IGF1R: variants seen among roughly 807,000 people sequenced by gnomAD.
IGF1R encodes the protein insulin like growth factor 1 receptor, also known as insulin-like growth factor 1 receptor.
In IGF1R, 44 loss-of-function variants were observed where a neutral mutation model predicts 144.6. The ratio of observed to expected loss-of-function variants is 0.30; its 90% CI spans 0.24 to 0.39. The LOEUF (loss-of-function observed/expected upper bound fraction) is 0.39, where lower values mean the gene tolerates loss of function less well. Ranked by LOEUF, IGF1R falls within the 10% of genes least tolerant of loss-of-function variation. IGF1R has a pLI of 1.00. For missense variants in IGF1R, 1,355 were observed against 1,833.7 expected (o/e 0.74, Z 4.77); for synonymous variants, 795 against 722.8 (o/e 1.10, Z -1.60).
At position 98,791,785 on chromosome 15, in the gene IGF1R, A is replaced by T. The variant is rs74034206; in HGVS notation, c.640+83678A>T. 7.5e-3 allele frequency among the ~76,000 whole-genome samples: 1,139 copies of T among 152,360 alleles called. 8 individuals are homozygous for T. Among genetic ancestry groups the T allele is most frequent in the African/African-American group, 0.026 (1,079 of 41,588 alleles). The stretch of plus-strand genomic sequence containing the variant: ...AATGCATAATCATTCTTTGTGTTGC[A>T]TGGCAATTCTGTACAAATGGAAGGT... On this transcript the variant is annotated intron_variant, in intron 2 of 20. Coordinates refer to ENST00000650285, the MANE Select transcript of IGF1R (RefSeq NM_000875.5).
At chr15:98,864,241 C>A (rs2012310305) in intron 2 of IGF1R, among the ~76,000 whole-genome samples, 1 of 152,178 alleles carries the variant, frequency 6.6e-6, no homozygotes, top group South Asian at 2.1e-4. Flanking sequence ...GACAACAGAG[C>A]AAGACACTGT....
intron 2 of IGF1R, among the ~76,000 whole-genome samples, chr15:98,731,327 C>G (rs1396327664): frequency 6.6e-6 from 1 of 152,192 alleles, no homozygotes; most frequent in Non-Finnish European, 1.5e-5. Context: ...GGGCTCACTG[C>G]TTGGCTGCAT....
chr15:98,956,931 G>GGCA (rs2017012156), intron 20 of IGF1R, 130 bp from the exon 21 acceptor site: 1 of 1,019,416 alleles, frequency 9.8e-7, no homozygotes, highest in African/African-American at 1.6e-5. Flanking sequence ...GATGGAGAGG[G>GGCA]GCAGCAGGGC....
intron 1 of IGF1R, among the ~76,000 whole-genome samples, chr15:98,677,724 T>C (rs2053084165): frequency 6.6e-6 from 1 of 152,180 alleles, no homozygotes; most frequent in Admixed American, 6.5e-5. Context: ...TGAGAAGGAA[T>C]GAAGACAAAA....
intron 7 of IGF1R, 144 bp downstream of exon 7, chr15:98,911,585 T>C (rs1177657502): frequency 1.9e-6 from 2 of 1,043,424 alleles, no homozygotes; most frequent in Non-Finnish European, 3.0e-6. Context: ...CCCTACTTCA[T>C]CCTCATGCAC....
intron 1 of IGF1R, among the ~76,000 whole-genome samples, chr15:98,685,596 C>A (rs2053306998): frequency 6.6e-6 from 1 of 152,226 alleles, no homozygotes; most frequent in Admixed American, 6.5e-5. Flanking sequence ...CTGGCTCAGA[C>A]CATGTGTATA....
chr15:98,884,477 G>A (rs1468403513), intron 2 of IGF1R, among the ~76,000 whole-genome samples: 1 of 152,050 alleles, frequency 6.6e-6, no homozygotes, highest in Non-Finnish European at 1.5e-5. Context: ...GGAGGATCAC[G>A]AGGTCAGGAG....
rs72767998 is a variant in IGF1R, at chr15:98,745,719, C to T, written c.640+37612C>T. Reference sequence around the variant, plus strand: ...AACTTCCGTTTTCTCTTTCCTGTTCCGAGGCTTAAAGCTGCCCTGAAATCT... The same window carrying T: ...AACTTCCGTTTTCTCTTTCCTGTTCTGAGGCTTAAAGCTGCCCTGAAATCT... On this transcript the variant is annotated intron_variant, in intron 2 of 20. Transcript: ENST00000650285. 5.4e-3 allele frequency among the ~76,000 whole-genome samples: 812 copies of T among 150,602 alleles called. 2 individuals carry two copies. Among genetic ancestry groups the T allele is most frequent in the South Asian group, 0.011 (54 of 4,752 alleles).
At position 98,700,314 on chromosome 15, in the gene IGF1R, G is replaced by C. The variant is rs575695507; in HGVS notation, c.95-7248G>C. The stretch of plus-strand genomic sequence containing the variant: ...TTTCGTAGTTTCTTCGGGCTTCTTG[G>C]GGGTTTTCTGAGAGAGAGAATGTCA... On this transcript the variant is annotated intron_variant, in intron 1 of 20. Transcript: ENST00000650285. 8.5e-5 allele frequency among the ~76,000 whole-genome samples: 13 copies of C among 152,200 alleles called. No homozygotes were observed. The South Asian group carries it at 2.5e-3, about 29-fold the overall frequency.
Position 98,737,438 on chromosome 15 carries a change from G to A in IGF1R, c.640+29331G>A, listed in dbSNP as rs557585573. Among the ~76,000 whole-genome samples, 6 of 152,270 alleles carry A rather than the reference G, an allele frequency of 3.9e-5. No individual in the cohort carries two copies. The South Asian group carries it at 1.2e-3, about 32-fold the overall frequency. On this transcript the variant is annotated intron_variant, in intron 2 of 20. Coordinates refer to ENST00000650285, the MANE Select transcript of IGF1R (RefSeq NM_000875.5). ...AACATGACTTGCCTCTGGCCTGAGA[G>A]CAGTGGAGTAAGCTGATAGGAGCTA...
At chr15:98,936,075 C>T (rs535316247) in intron 17 of IGF1R, among the ~76,000 whole-genome samples, 4 of 152,330 alleles carry the variant, frequency 2.6e-5, no homozygotes, top group Non-Finnish European at 5.9e-5. Context: ...CATAAACCCC[C>T]TCCCCACACA....
intron 2 of IGF1R, among the ~76,000 whole-genome samples, chr15:98,762,929 C>T (rs1039430964): frequency 6.6e-6 from 1 of 151,840 alleles, no homozygotes; most frequent in Non-Finnish European, 1.5e-5. Flanking sequence ...GCCTGTAGTC[C>T]CAGCTACTCA....
chr15:98,871,074 A>T (rs936328574), intron 2 of IGF1R, among the ~76,000 whole-genome samples: 6 of 152,232 alleles, frequency 3.9e-5, no homozygotes, highest in Non-Finnish European at 5.9e-5. Flanking sequence ...TTTCAATCAG[A>T]AAACAGCCTG....
chr15:98,870,539 G>C (rs1019532905), intron 2 of IGF1R, among the ~76,000 whole-genome samples: 28 of 152,216 alleles, frequency 1.8e-4, no homozygotes, highest in African/African-American at 6.3e-4. Flanking sequence ...GAAATGGTCT[G>C]CTTCCTTCCA....
rs980092057 is a variant in IGF1R at position 98,957,702 on chromosome 15, C to T, written c.*260C>T. ...GCCTTTAAGAACCTTAATGACAACA[C>T]TTAATAGCAACAGAGCACTTGAGAA... On this transcript the variant is annotated 3_prime_UTR_variant, in exon 21 of 21. Coordinates refer to ENST00000650285, the MANE Select transcript of IGF1R (RefSeq NM_000875.5). 7.1e-6 allele frequency: 4 copies of T among 564,828 alleles called. No individual in the cohort carries two copies. Among genetic ancestry groups the T allele is most frequent in the African/African-American group, 5.6e-5 (3 of 53,304 alleles). 35.0% of individuals were successfully genotyped at this position (564,828 alleles called of 1,614,324 possible). A position where few individuals can be genotyped will look rare whatever the true frequency, so the allele number is the denominator to read the frequency against.
intron 1 of IGF1R, among the ~76,000 whole-genome samples, chr15:98,687,108 C>T (rs376775939): frequency 2.0e-5 from 3 of 152,196 alleles, no homozygotes; most frequent in Admixed American, 1.3e-4. Context: ...CAACTGATTA[C>T]TTCCTTGTCA....
chr15:98,883,580 A>T (rs1310345392), intron 2 of IGF1R, among the ~76,000 whole-genome samples: 1 of 152,162 alleles, frequency 6.6e-6, no homozygotes, highest in African/African-American at 2.4e-5. Context: ...GATGGGGAGT[A>T]GTGTGTGTGA....
intron 2 of IGF1R, among the ~76,000 whole-genome samples, chr15:98,711,638 A>T (rs2053996080): frequency 6.7e-6 from 1 of 149,484 alleles, no homozygotes; most frequent in Non-Finnish European, 1.5e-5. Flanking sequence ...GCACCCCCTG[A>T]CATGTGGTGT....
intron 19 of IGF1R, 52 bp from the exon 20 acceptor site, chr15:98,948,522 A>T: frequency 6.3e-7 from 1 of 1,595,030 alleles, no homozygotes; most frequent in Non-Finnish European, 8.6e-7. Flanking sequence ...AGGGGGCAGC[A>T]TTGTTCAGTC....
Sources: allele counts gnomAD v4.1 joint callset (sites outside exome capture counted in the v4.1 genomes callset), GRCh38; gene constraint gnomAD v4.1.1; transcripts MANE v1.5; gene names NCBI Gene and HGNC (gene_info 2026-07-23, HGNC 2026-07-21).